The following FAM185A variants were observed in gnomAD, a reference collection of about 807,000 sequenced individuals.
The protein encoded by FAM185A is family with sequence similarity 185 member A, also known as protein FAM185A.
FAM185A carries 21 observed loss-of-function variants against 45.7 expected under a neutral mutation model. The ratio of observed to expected loss-of-function variants is 0.46; its 90% CI spans 0.33 to 0.66. The LOEUF (loss-of-function observed/expected upper bound fraction) is 0.66, where lower values mean the gene tolerates loss of function less well. Ranked by LOEUF, FAM185A falls within the 30% of genes least tolerant of loss-of-function variation. FAM185A has a pLI of 0.03. For missense variants in FAM185A, 305 were observed against 485.4 expected (o/e 0.63, Z 3.49); for synonymous variants, 117 against 194.0 (o/e 0.60, Z 3.30).
At chr7:102,807,317 G>A (rs1196528559) in intron 7 of FAM185A, among the ~76,000 whole-genome samples, 1 of 152,114 alleles carries the variant, frequency 6.6e-6, no homozygotes, top group Non-Finnish European at 1.5e-5. Context: ...TTTTACCTAT[G>A]TCAAAACTTA....
At chr7:102,751,617 T>G (rs1584266182) in intron 1 of FAM185A, 75 bp from the exon 2 acceptor site, 1 of 1,447,552 alleles carries the variant, frequency 6.9e-7, no homozygotes, top group East Asian at 2.6e-5. Context: ...ACTGAGGAGT[T>G]GGGTTTCTAG....
the FAM185A span, among the ~76,000 whole-genome samples, chr7:102,849,237 C>A: frequency 2.6e-5 from 4 of 152,170 alleles, no homozygotes; most frequent in African/African-American, 7.2e-5. Context: ...CTTTCAAGAG[C>A]ACCAAATAAT....
intron 7 of FAM185A, among the ~76,000 whole-genome samples, chr7:102,793,372 C>A (rs1274061271): frequency 6.6e-6 from 1 of 151,992 alleles, no homozygotes; most frequent in Admixed American, 6.5e-5. Context: ...CCACCATGCC[C>A]GGCTAATTTT....
At chr7:102,754,558 A>G (rs565884533) in intron 2 of FAM185A, among the ~76,000 whole-genome samples, 20 of 152,402 alleles carry the variant, frequency 1.3e-4, no homozygotes, top group Admixed American at 5.2e-4. Flanking sequence ...ATCTTAGCTA[A>G]ACCTTCATTT....
At chr7:102,825,090 T>C in the FAM185A span, among the ~76,000 whole-genome samples, 1 of 152,244 alleles carries the variant, frequency 6.6e-6, no homozygotes, top group Non-Finnish European at 1.5e-5. Context: ...ACTATTTAAA[T>C]AACATTTTGA....
chr7:102,840,837 C>T, the FAM185A span, among the ~76,000 whole-genome samples: 1 of 152,206 alleles, frequency 6.6e-6, no homozygotes, highest in South Asian at 2.1e-4. Context: ...AACTGTCTAC[C>T]TATCTCATAG....
chr7:102,844,520 A>T, the FAM185A span, among the ~76,000 whole-genome samples: 1 of 152,208 alleles, frequency 6.6e-6, no homozygotes, highest in Non-Finnish European at 1.5e-5. Flanking sequence ...CTGTCGTAAG[A>T]GTGGAGAGGT....
intron 4 of FAM185A, among the ~76,000 whole-genome samples, chr7:102,763,111 ATTCTT>A (rs1562849184): frequency 6.8e-6 from 1 of 147,992 alleles, no homozygotes; most frequent in South Asian, 2.2e-4. Context: ...TCTTTTTTGC[ATTCTT>A]TTAAGTTAGA....
chr7:102,824,065 C>G, the FAM185A span, among the ~76,000 whole-genome samples: 3 of 152,148 alleles, frequency 2.0e-5, no homozygotes, highest in African/African-American at 7.2e-5. Context: ...ACTAGGAGAG[C>G]TGAAAAGGAG....
At chr7:102,817,260 C>G in the FAM185A span, among the ~76,000 whole-genome samples, 1 of 152,134 alleles carries the variant, frequency 6.6e-6, no homozygotes, top group African/African-American at 2.4e-5. Context: ...ACATCCTCAC[C>G]AGCATCTTTT....
chr7:102,808,264 TA>T (rs1562883642), intron 7 of FAM185A, 25 bp from the exon 8 acceptor site: 1 of 1,445,528 alleles, frequency 6.9e-7, no homozygotes, highest in Admixed American at 2.0e-5. Context: ...GCTCTTGATA[TA>T]ATTTTATGCA....
At chr7:102,799,127 AC>A (rs1796620915) in intron 7 of FAM185A, among the ~76,000 whole-genome samples, 1 of 152,206 alleles carries the variant, frequency 6.6e-6, no homozygotes, top group African/African-American at 2.4e-5. Flanking sequence ...CAAAATCACG[AC>A]CTACCAAATG....
intron 7 of FAM185A, among the ~76,000 whole-genome samples, chr7:102,795,102 A>G (rs918464487): frequency 6.6e-6 from 1 of 152,234 alleles, no homozygotes; most frequent in African/African-American, 2.4e-5. Flanking sequence ...ATATGAATCT[A>G]TATATGTGAT....
At chr7:102,804,562 C>G (rs371690761) in intron 7 of FAM185A, among the ~76,000 whole-genome samples, 1 of 152,168 alleles carries the variant, frequency 6.6e-6, no homozygotes, top group South Asian at 2.1e-4. Context: ...AAATCTAAGA[C>G]CTGAAACTGT....
At chr7:102,783,512 A>T (rs1332335246) in intron 6 of FAM185A, among the ~76,000 whole-genome samples, 1 of 152,190 alleles carries the variant, frequency 6.6e-6, no homozygotes, top group Non-Finnish European at 1.5e-5. Context: ...AAAACCACTC[A>T]ACTACATGGC....
chr7:102,818,411 G>A, the FAM185A span, among the ~76,000 whole-genome samples: 2 of 152,184 alleles, frequency 1.3e-5, no homozygotes, highest in African/African-American at 4.8e-5. Flanking sequence ...AAGTGTATTT[G>A]TGAGGCAATA....
At chr7:102,823,550 AG>A in the FAM185A span, among the ~76,000 whole-genome samples, 1 of 152,168 alleles carries the variant, frequency 6.6e-6, no homozygotes, top group Non-Finnish European at 1.5e-5. Flanking sequence ...TGTCCTACAG[AG>A]GTAATTCAAG....
At chr7:102,778,833 T>C (rs1795233148) in intron 6 of FAM185A, among the ~76,000 whole-genome samples, 1 of 152,250 alleles carries the variant, frequency 6.6e-6, no homozygotes, top group Non-Finnish European at 1.5e-5. Context: ...TGGAAAGTTA[T>C]TCAGTAACTC....
At chr7:102,755,018 CTAAT>C (rs1253144654) in intron 2 of FAM185A, 1 of 349,406 alleles carries the variant, frequency 2.9e-6, no homozygotes, top group Non-Finnish European at 5.1e-6. Flanking sequence ...CTTAGAAAAT[CTAAT>C]TGTCTCCTTA....
Sources: allele counts gnomAD v4.1 joint callset (sites outside exome capture counted in the v4.1 genomes callset), GRCh38; gene constraint gnomAD v4.1.1; transcripts MANE v1.5; gene names NCBI Gene and HGNC (gene_info 2026-07-23, HGNC 2026-07-21).